Variants in SDK1 observed in about 807,000 individuals in gnomAD.
SDK1 encodes sidekick cell adhesion molecule 1, also known as protein sidekick-1.
SDK1 carries 157 observed loss-of-function variants against 245.5 expected under a neutral mutation model. The observed-to-expected ratio is 0.64, with a 90% CI of 0.56 to 0.73. SDK1 has a LOEUF of 0.73. SDK1 is among the 30% of genes least tolerant of loss of function. The pLI, the probability that SDK1 is intolerant of heterozygous loss-of-function variation, is 0.00. For missense variants in SDK1, 3,583 were observed against 3,002.3 expected (o/e 1.19, Z -4.52); for synonymous variants, 1,647 against 1,278.5 (o/e 1.29, Z -6.15).
At chr7:4,006,361 G>A (rs1157061435) in intron 14 of SDK1, among the ~76,000 whole-genome samples, 1 of 152,110 alleles carries the variant, frequency 6.6e-6, no homozygotes. Context: ...TCCCTGAAGG[G>A]GAGGAAAAAA....
chr7:3,504,127 G>A (rs1782308770), intron 1 of SDK1, among the ~76,000 whole-genome samples: 1 of 150,740 alleles, frequency 6.6e-6, no homozygotes, highest in Non-Finnish European at 1.5e-5. Context: ...TCCAGCCTGG[G>A]CAACAGAGCG....
rs80199498 is a variant in SDK1 at position 3,466,088 on chromosome 7, A to G, written c.299-152992A>G. Among the ~76,000 whole-genome samples, 577 of 152,120 alleles carry G rather than the reference A, an allele frequency of 3.8e-3. 4 individuals are homozygous for G. Among genetic ancestry groups the G allele is most frequent in the African/African-American group, 0.013 (549 of 41,486 alleles). ...GCTAGGGGAGGTGAGGTTTTGTTACAGGATATGCCTTGACTACTACCATGT... is the reference window on the plus strand; with the variant it reads ...GCTAGGGGAGGTGAGGTTTTGTTACGGGATATGCCTTGACTACTACCATGT... On this transcript the variant is annotated intron_variant, in intron 1 of 44. Transcript: ENST00000404826.
At chr7:3,744,231 G>C (rs1779553011) in intron 4 of SDK1, among the ~76,000 whole-genome samples, 1 of 151,726 alleles carries the variant, frequency 6.6e-6, no homozygotes, top group Non-Finnish European at 1.5e-5. Flanking sequence ...ATCCAAAATA[G>C]CCCCCCTCCC....
intron 14 of SDK1, among the ~76,000 whole-genome samples, chr7:3,989,543 T>C (rs1784135616): frequency 6.6e-6 from 1 of 152,146 alleles, no homozygotes; most frequent in Non-Finnish European, 1.5e-5. Flanking sequence ...CGATCCACTT[T>C]ATTCGGCCTG....
chr7:3,448,131 T>A (rs1780401491), intron 1 of SDK1, among the ~76,000 whole-genome samples: 4 of 152,230 alleles, frequency 2.6e-5, no homozygotes, highest in Admixed American at 2.6e-4. Flanking sequence ...CTTTCCTAAA[T>A]GTTTACTGCA....
At chr7:3,753,781 A>G (rs556207514) in intron 4 of SDK1, among the ~76,000 whole-genome samples, 34 of 152,328 alleles carry the variant, frequency 2.2e-4, no homozygotes, top group African/African-American at 6.3e-4. Flanking sequence ...CTGAGTATGT[A>G]CAGCCAATAA....
intron 4 of SDK1, among the ~76,000 whole-genome samples, chr7:3,688,374 G>A (rs961038803): frequency 5.9e-5 from 9 of 152,350 alleles, no homozygotes; most frequent in Non-Finnish European, 1.2e-4. Context: ...CCTTTGGCAA[G>A]TTAGTTAATC....
At chr7:3,476,393 T>G (rs1330775799) in intron 1 of SDK1, among the ~76,000 whole-genome samples, 2 of 152,228 alleles carry the variant, frequency 1.3e-5, no homozygotes, top group East Asian at 3.8e-4. Context: ...AGGTGAGTGG[T>G]AGTTCCAGTA....
At chr7:4,211,152 C>T (rs1256676786) in intron 38 of SDK1, among the ~76,000 whole-genome samples, 1 of 152,188 alleles carries the variant, frequency 6.6e-6, no homozygotes, top group Non-Finnish European at 1.5e-5. Flanking sequence ...AATCCCCCGT[C>T]TCAGTGTCAC....
intron 16 of SDK1, among the ~76,000 whole-genome samples, chr7:4,016,458 A>G (rs917948236): frequency 6.6e-6 from 1 of 152,210 alleles, no homozygotes; most frequent in African/African-American, 2.4e-5. Context: ...TGCTAATCAA[A>G]ATAATACAAT....
chr7:3,434,193 A>T (rs1583851403), intron 1 of SDK1, among the ~76,000 whole-genome samples: 1 of 152,090 alleles, frequency 6.6e-6, no homozygotes, highest in African/African-American at 2.4e-5. Context: ...TAGCTGTACT[A>T]CTCACTCTAC....
At chr7:4,162,623 C>G (rs1443124773) in intron 32 of SDK1, among the ~76,000 whole-genome samples, 3 of 152,066 alleles carry the variant, frequency 2.0e-5, no homozygotes, top group Non-Finnish European at 4.4e-5. Context: ...TGATCTTGAA[C>G]TCCTGACCTC....
At chr7:3,967,294 C>G (rs1782149368) in intron 9 of SDK1, 24 bp from the exon 10 acceptor site, 3 of 1,572,966 alleles carry the variant, frequency 1.9e-6, no homozygotes, top group Non-Finnish European at 2.6e-6. Context: ...AGGCCCTGAT[C>G]ATTTCATTTA....
chr7:3,889,872 C>T (rs907158253), intron 5 of SDK1, among the ~76,000 whole-genome samples: 2 of 152,188 alleles, frequency 1.3e-5, no homozygotes, highest in Non-Finnish European at 2.9e-5. Context: ...GCTGGTCTGT[C>T]TTCCAAGGCC....
intron 4 of SDK1, among the ~76,000 whole-genome samples, chr7:3,787,983 G>A (rs1306459527): frequency 1.3e-5 from 2 of 152,180 alleles, no homozygotes; most frequent in Non-Finnish European, 2.9e-5. Context: ...GTTTCTTAGA[G>A]AGCCCGTGGG....
intron 17 of SDK1, among the ~76,000 whole-genome samples, chr7:4,031,853 T>C (rs890174605): frequency 1.3e-4 from 18 of 141,888 alleles, no homozygotes; most frequent in African/African-American, 4.7e-4. Context: ...ATGGTGAAAC[T>C]CTGTCTCTAC....
chr7:3,555,756 C>A (rs565880436), intron 1 of SDK1, among the ~76,000 whole-genome samples: 1 of 151,990 alleles, frequency 6.6e-6, no homozygotes, highest in South Asian at 2.1e-4. Context: ...AAAAAATGGA[C>A]AAAAGATCTG....
chr7:3,446,259 T>C (rs1325406184), intron 1 of SDK1, among the ~76,000 whole-genome samples: 1 of 152,138 alleles, frequency 6.6e-6, no homozygotes, highest in Non-Finnish European at 1.5e-5. Flanking sequence ...AACCCTCTAT[T>C]ATCTCTATTT....
intron 4 of SDK1, among the ~76,000 whole-genome samples, chr7:3,763,127 ATTTCTT>A (rs902157412): frequency 2.0e-5 from 3 of 152,124 alleles, no homozygotes; most frequent in African/African-American, 7.2e-5. Context: ...AAAGCCATAA[ATTTCTT>A]TTTCTTTAAT....
Sources: allele counts gnomAD v4.1 joint callset (sites outside exome capture counted in the v4.1 genomes callset), GRCh38; gene constraint gnomAD v4.1.1; transcripts MANE v1.5; gene names NCBI Gene and HGNC (gene_info 2026-07-23, HGNC 2026-07-21).